KCNQ1: variants seen among roughly 807,000 people sequenced by gnomAD.
KCNQ1 encodes potassium voltage-gated channel subfamily Q member 1.
KCNQ1 carries 49 observed loss-of-function variants against 72.4 expected under a neutral mutation model. The ratio of observed to expected loss-of-function variants is 0.68; its 90% CI spans 0.54 to 0.86. KCNQ1 has a LOEUF of 0.86. Ranked by LOEUF, KCNQ1 falls within the 40% of genes least tolerant of loss-of-function variation. The pLI, the probability that KCNQ1 is intolerant of heterozygous loss-of-function variation, is 0.00. For missense variants in KCNQ1, 790 were observed against 945.1 expected, an observed-to-expected ratio of 0.84 and a Z score of 2.15; for synonymous variants, 450 against 412.6, an observed-to-expected ratio of 1.09 and a Z score of -1.10.
At chr11:2,774,264 G>A (rs1166565681) in intron 12 of KCNQ1, among the ~76,000 whole-genome samples, 2 of 152,236 alleles carry the variant, frequency 1.3e-5, no homozygotes, top group East Asian at 3.8e-4. Flanking sequence ...ACGGGCCAGA[G>A]GGTCTGCCTA....
At chr11:2,638,522 T>C (rs539781757) in intron 10 of KCNQ1, 1 of 152,336 alleles carries the variant, frequency 6.6e-6, no homozygotes, top group African/African-American at 2.4e-5. Flanking sequence ...TTCTGGCTTG[T>C]AGAGTTTCTG....
chr11:2,695,309 G>A lies in KCNQ1; in HGVS notation c.1514+33228G>A, dbSNP rs185407774. The A allele has an allele frequency of 5.0e-6, 2 of 397,130 alleles. No individual in the cohort carries two copies. The highest frequency in any genetic ancestry group is 8.9e-6 in the Non-Finnish European group (2 of 225,900). 24.6% of individuals were successfully genotyped at this position (397,130 alleles called of 1,614,324 possible). On this transcript the variant is annotated intron_variant, in intron 11 of 15. Transcript: ENST00000155840. This position sits in a 1 kb window ranked among gnomAD's most constrained non-coding sequence, Gnocchi z 5.2. Reference sequence around the variant, plus strand: ...CCTCCCTACACAAACAGCTTCTCCAGGGTAATTTATTTATATCATTGTGTG... The same window carrying A: ...CCTCCCTACACAAACAGCTTCTCCAAGGTAATTTATTTATATCATTGTGTG...
At chr11:2,756,333 T>C (rs908819297) in intron 11 of KCNQ1, among the ~76,000 whole-genome samples, 1 of 150,922 alleles carries the variant, frequency 6.6e-6, no homozygotes, top group Admixed American at 6.6e-5. Flanking sequence ...AATTTTAAAC[T>C]AATTAAAGCA....
intron 10 of KCNQ1, chr11:2,650,889 A>G (rs1161581249): frequency 2.5e-6 from 1 of 398,542 alleles, no homozygotes; most frequent in African/African-American, 2.1e-5. Context: ...GATGAGGAGC[A>G]GCATGCTATT....
intron 11 of KCNQ1, chr11:2,681,978 A>G (rs1175365173): frequency 7.5e-6 from 3 of 398,494 alleles, no homozygotes; most frequent in Non-Finnish European, 8.8e-6. Flanking sequence ...TGCCAGGCAA[A>G]TATAGACATC....
In KCNQ1 at chr11:2,739,435, G is replaced by A. The variant is rs370984178; in HGVS notation, c.1515-29409G>A. Among the ~76,000 whole-genome samples, 127 of 152,314 alleles carry A rather than the reference G, an allele frequency of 8.3e-4. 2 individuals are homozygous for A. Among genetic ancestry groups the A allele is most frequent in the African/African-American group, 2.9e-3 (121 of 41,560 alleles). ...GATGTCACAGCCCCATCAAAGGTCC[G>A]CTACATATTCCCCCACCCCCAAAGG... On this transcript the variant is annotated intron_variant, in intron 11 of 15. Coordinates refer to ENST00000155840, the MANE Select transcript of KCNQ1 (RefSeq NM_000218.3).
intron 11 of KCNQ1, among the ~76,000 whole-genome samples, chr11:2,719,172 A>AAG (rs57990462): frequency 1 from 152,302 of 152,302 alleles, 76,151 homozygotes; most frequent in Non-Finnish European, 1. Context: ...CTTGTCTCTC[A>AAG]TTGGGGGTAA....
At chr11:2,722,793 CCCTCCT>C (rs1564871593) in intron 11 of KCNQ1, among the ~76,000 whole-genome samples, 1 of 152,152 alleles carries the variant, frequency 6.6e-6, no homozygotes, top group Non-Finnish European at 1.5e-5. Flanking sequence ...GACCCTTCCT[CCCTCCT>C]TCCCTCTACC....
chr11:2,791,585 C>T (rs1027203774), intron 15 of KCNQ1, among the ~76,000 whole-genome samples: 1 of 152,152 alleles, frequency 6.6e-6, no homozygotes, highest in African/African-American at 2.4e-5. Context: ...GCTGGGAAAC[C>T]GCGGGCGGGG....
chr11:2,598,973 A>G lies in KCNQ1; in HGVS notation c.1393+10119A>G, dbSNP rs1005425047. Among the ~76,000 whole-genome samples, 50 of 152,348 alleles carry G rather than the reference A, an allele frequency of 3.3e-4. No homozygotes were observed. The highest frequency in any genetic ancestry group is 1.1e-3 in the African/African-American group (46 of 41,580). On this transcript the variant is annotated intron_variant, in intron 10 of 15. Coordinates refer to ENST00000155840, the MANE Select transcript of KCNQ1 (RefSeq NM_000218.3). This position sits in a 1 kb window ranked among gnomAD's most constrained non-coding sequence, Gnocchi z 6.2. ...GCCAAATTGGCCTCAGGCTCTATCA[A>G]TACCAGATCTGAATAGGGGCTATTC...
Position 2,661,469 on chromosome 11 carries a change from C to T in KCNQ1, c.1394-492C>T, listed in dbSNP as rs944211786. 9.2e-6 allele frequency: 4 copies of T among 437,140 alleles called. No individual in the cohort carries two copies. The highest frequency in any genetic ancestry group is 1.6e-5 in the Non-Finnish European group (4 of 248,630). The allele number at this position is 437,140 out of a possible 1,614,324, so 27.1% of individuals were successfully genotyped here. ...GTGTTTTGAGGAAGGAGTTCTGTGG[C>T]TGCCCCCACCTCCCAGGCTTGCCAT... On this transcript the variant is annotated intron_variant, in intron 10 of 15. Transcript: ENST00000155840. The surrounding 1 kb of genome is among the most constrained non-coding windows in gnomAD (Gnocchi z 5.9).
rs113373256 is a variant in KCNQ1 at position 2,769,616 on chromosome 11, G to T, written c.1590+697G>T. Among the ~76,000 whole-genome samples the T allele has an allele frequency of 6.6e-6, 1 of 152,228 alleles. No individual in the cohort carries two copies. Among genetic ancestry groups the T allele is most frequent in the African/African-American group, 2.4e-5 (1 of 41,466 alleles). ...TTGGGGACATTCCTCGGATGAAGGCGGTGGTGGGGGGTACTGAGTCCTGGC... is the reference window on the plus strand; with the variant it reads ...TTGGGGACATTCCTCGGATGAAGGCTGTGGTGGGGGGTACTGAGTCCTGGC... On this transcript the variant is annotated intron_variant, in intron 12 of 15. Coordinates refer to ENST00000155840, the MANE Select transcript of KCNQ1 (RefSeq NM_000218.3). This position sits in a 1 kb window ranked among gnomAD's most constrained non-coding sequence, Gnocchi z 4.6.
At chr11:2,551,915 G>T (rs1377371829) in intron 2 of KCNQ1, among the ~76,000 whole-genome samples, 2 of 152,186 alleles carry the variant, frequency 1.3e-5, no homozygotes, top group Non-Finnish European at 2.9e-5. Context: ...GTTTGTTGCT[G>T]GTTTTAACAA....
At chr11:2,554,428 A>C (rs913917352) in intron 2 of KCNQ1, among the ~76,000 whole-genome samples, 3 of 152,216 alleles carry the variant, frequency 2.0e-5, no homozygotes, top group African/African-American at 7.2e-5. Flanking sequence ...ATTTGGAAAC[A>C]AGACCATGTT....
chr11:2,701,982 G>A (rs1040071413), intron 11 of KCNQ1, among the ~76,000 whole-genome samples: 1 of 152,228 alleles, frequency 6.6e-6, no homozygotes, highest in Non-Finnish European at 1.5e-5. Flanking sequence ...TTGAGTTGAG[G>A]GTGGCCTCAG....
In KCNQ1 at chr11:2,462,513, C is replaced by T. The variant is rs986973220; in HGVS notation, c.386+17029C>T. Reference sequence around the variant, plus strand: ...CACCTCGCTGTAATCTGGGCAGCAGCTGTCATGATCCCACCATGTGCCCCC... The same window carrying T: ...CACCTCGCTGTAATCTGGGCAGCAGTTGTCATGATCCCACCATGTGCCCCC... On this transcript the variant is annotated intron_variant, in intron 1 of 15. Coordinates refer to ENST00000155840, the MANE Select transcript of KCNQ1 (RefSeq NM_000218.3). The surrounding 1 kb of genome is among the most constrained non-coding windows in gnomAD (Gnocchi z 8.2). 6.6e-6 allele frequency among the ~76,000 whole-genome samples: 1 copy of T among 152,234 alleles called. No individual in the cohort carries two copies. Among genetic ancestry groups the T allele is most frequent in the Non-Finnish European group, 1.5e-5 (1 of 68,050 alleles).
Position 2,665,619 on chromosome 11 carries a change from C to T in KCNQ1, c.1514+3538C>T, listed in dbSNP as rs115788288. Reference sequence around the variant, plus strand: ...CCCCCCAGGACACACTTAGGCTGTACGGCTGTGTCCTCCTTTGGCTCTCAA... The same window carrying T: ...CCCCCCAGGACACACTTAGGCTGTATGGCTGTGTCCTCCTTTGGCTCTCAA... On this transcript the variant is annotated intron_variant, in intron 11 of 15. Transcript: ENST00000155840. The T allele has an allele frequency of 3.7e-3, 1,461 of 397,374 alleles. 17 individuals are homozygous for T. Among genetic ancestry groups the T allele is most frequent in the African/African-American group, 0.027 (1,292 of 48,166 alleles). The allele number at this position is 397,374 out of a possible 1,614,324, so 24.6% of individuals were successfully genotyped here.
At chr11:2,477,000 G>A (rs1846578518) in intron 1 of KCNQ1, among the ~76,000 whole-genome samples, 1 of 152,242 alleles carries the variant, frequency 6.6e-6, no homozygotes, top group South Asian at 2.1e-4. Context: ...AGTTTTTAAT[G>A]TGACAGTACT....
chr11:2,682,905 G>A lies in KCNQ1; in HGVS notation c.1514+20824G>A, dbSNP rs1850422726. 2.5e-6 allele frequency: 1 copy of A among 398,476 alleles called. No individual in the cohort carries two copies. The highest frequency in any genetic ancestry group is 1.3e-4 in the South Asian group (1 of 7,846). The allele number at this position is 398,476 out of a possible 1,614,324, so 24.7% of individuals were successfully genotyped here. Reference sequence around the variant, plus strand: ...TAGCAGATGTTCCCAGACAGAAAATGGTGGCACCTGGAGAGGTGCTCAGGT... The same window carrying A: ...TAGCAGATGTTCCCAGACAGAAAATAGTGGCACCTGGAGAGGTGCTCAGGT... On this transcript the variant is annotated intron_variant, in intron 11 of 15. Transcript: ENST00000155840. The surrounding 1 kb of genome is among the most constrained non-coding windows in gnomAD (Gnocchi z 5.8).
Sources: gnomAD v4.1 joint callset for allele counts (sites outside exome capture counted in the v4.1 genomes callset) on GRCh38, gnomAD v4.1.1 for gene constraint, Gnocchi (gnomAD v3.1) non-coding constraint, MANE v1.5 for transcripts, NCBI Gene and HGNC (gene_info 2026-07-23, HGNC 2026-07-21) for gene names.